Variants in GRAMD4 observed in about 807,000 individuals in gnomAD.
The protein encoded by GRAMD4 is GRAM domain-containing protein 4.
Under a neutral mutation model 83.9 loss-of-function variants are expected in GRAMD4, and 25 were observed. The observed-to-expected ratio is 0.30, with a 90% CI of 0.22 to 0.42. The LOEUF is 0.42. Among genes scored for constraint, GRAMD4 ranks in the 10% least tolerant of loss-of-function variants. GRAMD4 has a pLI of 1.00. For missense variants in GRAMD4, 593 were observed against 788.7 expected, an observed-to-expected ratio of 0.75 and a Z score of 2.97; for synonymous variants, 336 against 320.9, an observed-to-expected ratio of 1.05 and a Z score of -0.50.
chr22:46,609,491 C>T (rs2081397138), intron 1 of GRAMD4, among the ~76,000 whole-genome samples: 1 of 152,234 alleles, frequency 6.6e-6, no homozygotes, highest in African/African-American at 2.4e-5. Context: ...TACACAAAGG[C>T]TCTTTTCACG....
At chr22:46,600,128 C>A (rs528520198) in intron 1 of GRAMD4, among the ~76,000 whole-genome samples, 148 of 152,238 alleles carry the variant, frequency 9.7e-4, no homozygotes, top group Non-Finnish European at 1.9e-3. Context: ...TTTTATGCCT[C>A]GATTTTTAAA....
intron 1 of GRAMD4, among the ~76,000 whole-genome samples, chr22:46,588,393 C>T (rs920710510): frequency 6.6e-6 from 1 of 152,206 alleles, no homozygotes; most frequent in East Asian, 1.9e-4. Flanking sequence ...GGCAGGCCTG[C>T]TGAGCTCTGT....
intron 1 of GRAMD4, among the ~76,000 whole-genome samples, chr22:46,609,622 G>A (rs6007946): frequency 0.01 from 1,546 of 152,300 alleles, 28 homozygotes; most frequent in African/African-American, 0.035. Flanking sequence ...TTGGTGCCAG[G>A]CCGTGTGCTG....
intron 13 of GRAMD4, among the ~76,000 whole-genome samples, chr22:46,669,348 T>G (rs573914359): frequency 6.6e-6 from 1 of 152,036 alleles, no homozygotes; most frequent in East Asian, 1.9e-4. Context: ...AAGGGTCTCA[T>G]CCACTAAAAC....
intron 1 of GRAMD4, among the ~76,000 whole-genome samples, chr22:46,612,337 G>C (rs750130025): frequency 1.3e-5 from 2 of 152,176 alleles, no homozygotes; most frequent in African/African-American, 4.8e-5. Context: ...TACTGTTACT[G>C]TGGTTTCCTG....
At chr22:46,661,467 A>C in intron 5 of GRAMD4, 25 bp downstream of exon 5, 2 of 1,226,268 alleles carry the variant, frequency 1.6e-6, no homozygotes, top group Non-Finnish European at 1.2e-6. Flanking sequence ...GCGGGTGGAC[A>C]GGCAGGCGGG....
chr22:46,594,811 G>A (rs530994239), intron 1 of GRAMD4, among the ~76,000 whole-genome samples: 100 of 152,022 alleles, frequency 6.6e-4, no homozygotes, highest in African/African-American at 2.2e-3. Context: ...GGCAGCACGG[G>A]GAGCTGGGGT....
At chr22:46,669,436 T>C (rs1031491252) in intron 13 of GRAMD4, among the ~76,000 whole-genome samples, 3 of 148,056 alleles carry the variant, frequency 2.0e-5, no homozygotes, top group African/African-American at 5.1e-5. Context: ...GTGGGTGGGG[T>C]GTGGTGGCCC....
chr22:46,626,062 C>T (rs2081653350), intron 1 of GRAMD4, among the ~76,000 whole-genome samples: 1 of 152,210 alleles, frequency 6.6e-6, no homozygotes, highest in African/African-American at 2.4e-5. Flanking sequence ...GAATGTGTCT[C>T]AGAGTATGAG....
upstream of GRAMD4, among the ~76,000 whole-genome samples, chr22:46,616,759 T>C (rs374348502): frequency 2.9e-5 from 4 of 140,012 alleles, no homozygotes; most frequent in Admixed American, 7.0e-5. Flanking sequence ...CCTGTGTGTG[T>C]GGCTTCCCCT....
chr22:46,603,753 T>A (rs922273405), intron 1 of GRAMD4, among the ~76,000 whole-genome samples: 2 of 151,660 alleles, frequency 1.3e-5, no homozygotes, highest in Admixed American at 6.6e-5. Context: ...CCTGACCTCC[T>A]GATCCGCCCG....
At chr22:46,661,620 G>A (rs575238854) in intron 5 of GRAMD4, among the ~76,000 whole-genome samples, 178 bp downstream of exon 5, 4 of 152,242 alleles carry the variant, frequency 2.6e-5, no homozygotes, top group African/African-American at 4.8e-5. Context: ...ATCTCCTCCC[G>A]TCAGAACTGG....
intron 1 of GRAMD4, among the ~76,000 whole-genome samples, chr22:46,584,474 C>T (rs1329294618): frequency 2.6e-5 from 4 of 152,290 alleles, no homozygotes; most frequent in Admixed American, 6.5e-5. Flanking sequence ...GGATCTTTCT[C>T]GTCTCCTTTC....
At chr22:46,642,531 C>G (rs528959942) in intron 3 of GRAMD4, among the ~76,000 whole-genome samples, 58 of 152,318 alleles carry the variant, frequency 3.8e-4, no homozygotes, top group Non-Finnish European at 7.2e-4. Flanking sequence ...CTTGATAATA[C>G]ACACAATCTC....
chr22:46,584,654 G>A (rs966700421), intron 1 of GRAMD4, among the ~76,000 whole-genome samples: 1 of 152,146 alleles, frequency 6.6e-6, no homozygotes, highest in African/African-American at 2.4e-5. Flanking sequence ...CGGGCTCCCG[G>A]TATGCTGCCG....
At position 46,672,908 on chromosome 22, in the gene GRAMD4, G is replaced by T. The variant is rs1344325659; in HGVS notation, c.1150G>T (p.Ala384Ser). Residue 384 changes from alanine to serine, a missense_variant, in exon 14 of 19, where the codon GCC (alanine) becomes TCC (serine). Ala to Ser is a moderately conservative substitution (Grantham distance 99). This residue lies in a region of GRAMD4 where 171 missense variants were observed against 199.6 expected (regional missense o/e 0.86). Transcript: ENST00000406902. This position sits in a 1 kb window ranked among gnomAD's most constrained non-coding sequence, Gnocchi z 4.7. ...CTTTAAACGCTGCCCGAGGCTGCGC[G>T]CCAAGTACGACACGCCCTATATCAT... The part of the protein sequence containing the change: ...FIFKRCPRLR[A>S]KYDTPYIIWR... 2 of 1,612,032 alleles carry T rather than the reference G, an allele frequency of 1.2e-6. No homozygotes were observed. The highest frequency in any genetic ancestry group is 1.7e-5 in the Admixed American group (1 of 59,994).
intron 2 of GRAMD4, among the ~76,000 whole-genome samples, chr22:46,637,333 A>G (rs372886378): frequency 6.2e-4 from 94 of 151,660 alleles, no homozygotes; most frequent in African/African-American, 2.2e-3. Flanking sequence ...GCTCACTGCA[A>G]GCTCCGCCTC....
At chr22:46,586,843 C>T (rs2081155685) in intron 1 of GRAMD4, among the ~76,000 whole-genome samples, 1 of 152,172 alleles carries the variant, frequency 6.6e-6, no homozygotes, top group South Asian at 2.1e-4. Flanking sequence ...AGCTGAGGCC[C>T]TGCAGCTCTG....
downstream of GRAMD4, among the ~76,000 whole-genome samples, chr22:46,681,252 G>A (rs1329469703): frequency 6.6e-6 from 1 of 151,876 alleles, no homozygotes; most frequent in East Asian, 2.0e-4. Flanking sequence ...CCTCCCAGGG[G>A]CTTCTGAGTG....
Sources: gnomAD v4.1 joint callset for allele counts (sites outside exome capture counted in the v4.1 genomes callset) on GRCh38, gnomAD v4.1.1 for gene constraint, gnomAD v4.1.1 regional missense constraint, Gnocchi (gnomAD v3.1) non-coding constraint, MANE v1.5 for transcripts, NCBI Gene and HGNC (gene_info 2026-07-23, HGNC 2026-07-21) for gene names.